LRRC49: variants seen among roughly 807,000 people sequenced by gnomAD.
LRRC49 encodes the protein leucine-rich repeat-containing protein 49.
In LRRC49, 50 loss-of-function variants were observed where a neutral mutation model predicts 83.3. The ratio of observed to expected loss-of-function variants is 0.60; its 90% CI spans 0.48 to 0.76. LRRC49 has a LOEUF of 0.76. Among genes scored for constraint, LRRC49 ranks in the 30% least tolerant of loss-of-function variants. The pLI, the probability that LRRC49 is intolerant of heterozygous loss-of-function variation, is 0.00. For missense variants in LRRC49, 704 were observed against 809.1 expected, an observed-to-expected ratio of 0.87 and a Z score of 1.58; for synonymous variants, 286 against 283.3, an observed-to-expected ratio of 1.01 and a Z score of -0.10.
chr15:71,025,707 G>A (rs377662009), intron 14 of LRRC49, among the ~76,000 whole-genome samples: 30 of 146,890 alleles, frequency 2.0e-4, no homozygotes, highest in East Asian at 2.0e-4. Flanking sequence ...CAAATAGAAA[G>A]AAAAAAAAAA....
intron 4 of LRRC49, among the ~76,000 whole-genome samples, chr15:70,901,320 T>A (rs532735988): frequency 8.5e-5 from 13 of 152,166 alleles, no homozygotes; most frequent in Non-Finnish European, 1.6e-4. Flanking sequence ...CACAGTATAA[T>A]CCTCACATGA....
At chr15:71,007,693 G>A (rs1339828720) in intron 11 of LRRC49, among the ~76,000 whole-genome samples, 4 of 125,812 alleles carry the variant, frequency 3.2e-5, no homozygotes, top group African/African-American at 8.9e-5. Flanking sequence ...CAAATTCAGT[G>A]CAGTATGAGA....
At chr15:71,019,262 G>A (rs544072996) in intron 14 of LRRC49, among the ~76,000 whole-genome samples, 5 of 152,122 alleles carry the variant, frequency 3.3e-5, no homozygotes, top group Non-Finnish European at 5.9e-5. Context: ...GGTCTTTCCA[G>A]TGACCAGCCC....
chr15:70,865,044 G>A (rs2032881132), intron 1 of LRRC49, among the ~76,000 whole-genome samples: 1 of 152,014 alleles, frequency 6.6e-6, no homozygotes. Flanking sequence ...CTTCCATTCT[G>A]GAAGAAGCCT....
At position 70,934,038 on chromosome 15, in the gene LRRC49, G is replaced by C. The variant is rs537605441; in HGVS notation, c.712-2723G>C. Among the ~76,000 whole-genome samples the C allele has an allele frequency of 1.1e-4, 16 of 152,184 alleles. No homozygotes were observed. The South Asian group carries it at 3.1e-3, about 30-fold the overall frequency. On this transcript the variant is annotated intron_variant, in intron 7 of 15. Transcript: ENST00000260382. ...ACCCTTCTAGAGCCTCCTGTCCCCTGTCTAATGAAGTCTGCTTGCATTTAG... is the reference window on the plus strand; with the variant it reads ...ACCCTTCTAGAGCCTCCTGTCCCCTCTCTAATGAAGTCTGCTTGCATTTAG...
chr15:70,883,767 G>A (rs1270237293), intron 2 of LRRC49, among the ~76,000 whole-genome samples: 1 of 151,558 alleles, frequency 6.6e-6, no homozygotes, highest in African/African-American at 2.4e-5. Flanking sequence ...CAATTGTCGT[G>A]CCTCAGCCTC....
At position 70,984,216 on chromosome 15, in the gene LRRC49, G is replaced by T. The variant is rs146676391; in HGVS notation, c.1128G>T (p.Gln376His). The T allele has an allele frequency of 6.8e-6, 11 of 1,613,060 alleles. No homozygotes were observed. The highest frequency in any genetic ancestry group is 9.3e-6 in the Non-Finnish European group (11 of 1,179,466). ...CTGACTCTCCTCAGGACCCCTGTCAGATTGATGGAAGCACCCTCTCTGCAT... is the reference window on the plus strand; with the variant it reads ...CTGACTCTCCTCAGGACCCCTGTCATATTGATGGAAGCACCCTCTCTGCAT... ...KDSDSPQDPC[Q>H]IDGSTLSAFP... The change falls in exon 11 of 16, where the codon CAG becomes CAT. Residue 376 changes from glutamine to histidine, a missense_variant. This residue lies in a region of LRRC49 where 168 missense variants were observed against 140.6 expected (regional missense o/e 1.20). Coordinates refer to ENST00000260382, the MANE Select transcript of LRRC49 (RefSeq NM_017691.5).
intron 11 of LRRC49, among the ~76,000 whole-genome samples, chr15:70,991,120 C>G (rs2037864408): frequency 6.6e-6 from 1 of 152,176 alleles, no homozygotes; most frequent in Admixed American, 6.5e-5. Context: ...CAGCTGTGAT[C>G]TATACTATCT....
chr15:70,924,438 A>T (rs1322783031), intron 7 of LRRC49, among the ~76,000 whole-genome samples: 3 of 151,442 alleles, frequency 2.0e-5, no homozygotes, highest in African/African-American at 7.3e-5. Context: ...GTTCTTTCTT[A>T]TTCACTTTAA....
At chr15:70,915,568 C>G (rs1056913636) in intron 6 of LRRC49, among the ~76,000 whole-genome samples, 1 of 151,978 alleles carries the variant, frequency 6.6e-6, no homozygotes, top group Non-Finnish European at 1.5e-5. Context: ...TTTATTCTTC[C>G]TCTCTGTTTT....
chr15:71,016,115 G>A (rs1024002588), intron 14 of LRRC49, among the ~76,000 whole-genome samples: 3 of 152,084 alleles, frequency 2.0e-5, no homozygotes, highest in Non-Finnish European at 4.4e-5. Context: ...TCTAAGTGTT[G>A]AACTGGAGGG....
At position 70,895,880 on chromosome 15, in the gene LRRC49, C is replaced by T. The variant is rs2033815039; in HGVS notation, c.137C>T (p.Ser46Leu). Residue 46 changes from serine to leucine, a missense_variant, in exon 3 of 16, where the codon TCA becomes TTA. By Grantham distance (145) the Ser-to-Leu change is moderately radical (BLOSUM62 -2). Around this residue, in one of 3 missense-constraint regions of LRRC49, gnomAD observed 261 missense variants for 330.5 expected, o/e 0.79. Coordinates refer to ENST00000260382, the MANE Select transcript of LRRC49 (RefSeq NM_017691.5). ...TTCAAGCTAAATAAAGACACATCGT[C>T]ATTCCCCGGTAGACTTTTACAACAT... Reference protein sequence around the residue: ...VEFKLNKDTSSFPGRLLQHDL... With the variant: ...VEFKLNKDTSLFPGRLLQHDL... 1.2e-6 allele frequency: 2 copies of T among 1,611,496 alleles called. No individual in the cohort carries two copies. The highest frequency in any genetic ancestry group is 8.5e-7 in the Non-Finnish European group (1 of 1,178,836).
At chr15:71,022,105 G>T (rs1286512455) in intron 14 of LRRC49, among the ~76,000 whole-genome samples, 2 of 152,180 alleles carry the variant, frequency 1.3e-5, no homozygotes, top group Non-Finnish European at 2.9e-5. Context: ...AGGCCTGGTG[G>T]CTCATGCCTA....
chr15:70,887,079 A>G (rs1029346018), intron 2 of LRRC49, among the ~76,000 whole-genome samples: 1 of 152,186 alleles, frequency 6.6e-6, no homozygotes, highest in African/African-American at 2.4e-5. Context: ...ATCAAAATGG[A>G]TAAACAAAAG....
chr15:70,974,720 TAA>T (rs1343976655), intron 9 of LRRC49, among the ~76,000 whole-genome samples: 38 of 129,038 alleles, frequency 2.9e-4, no homozygotes, highest in Non-Finnish European at 2.8e-4. Flanking sequence ...CAAAGCATTG[TAA>T]AAAAAAAAAA....
At chr15:70,937,666 G>T (rs868127237) in intron 8 of LRRC49, among the ~76,000 whole-genome samples, 1 of 152,028 alleles carries the variant, frequency 6.6e-6, no homozygotes, top group South Asian at 2.1e-4. Flanking sequence ...TTGTCTGTTG[G>T]CATGTTTTTT....
At chr15:70,928,535 T>C (rs575336392) in intron 7 of LRRC49, among the ~76,000 whole-genome samples, 99 of 148,492 alleles carry the variant, frequency 6.7e-4, no homozygotes, top group African/African-American at 2.5e-3. Flanking sequence ...AACTTTCATT[T>C]ATTTATTTAT....
At chr15:70,894,730 G>A in intron 2 of LRRC49, 1 of 639,390 alleles carries the variant, frequency 1.6e-6, no homozygotes, top group Non-Finnish European at 2.3e-6. Flanking sequence ...GAAGGGCAGA[G>A]TTCACACATA....
At chr15:71,025,461 A>C (rs1394723693) in intron 14 of LRRC49, among the ~76,000 whole-genome samples, 1 of 152,208 alleles carries the variant, frequency 6.6e-6, no homozygotes, top group Non-Finnish European at 1.5e-5. Context: ...TACATCAACA[A>C]GTCTGCAAAA....
Sources: allele counts gnomAD v4.1 joint callset (sites outside exome capture counted in the v4.1 genomes callset), GRCh38; gene constraint gnomAD v4.1.1; regional missense constraint gnomAD v4.1.1; transcripts MANE v1.5; gene names NCBI Gene and HGNC (gene_info 2026-07-23, HGNC 2026-07-21).